Variants in ASS1 observed in about 807,000 individuals in gnomAD.
The protein encoded by ASS1 is argininosuccinate synthase.
In ASS1, 58 loss-of-function variants were observed where a neutral mutation model predicts 60.5. The observed-to-expected ratio is 0.96, with a 90% confidence interval of 0.78 to 1.19. The LOEUF is 1.19. Among genes scored for constraint, ASS1 ranks in the 50% most tolerant of loss-of-function variants. The pLI, the probability that ASS1 is intolerant of heterozygous loss-of-function variation, is 0.00. For synonymous variants in ASS1, 200 were observed against 206.9 expected (o/e 0.97, Z 0.29); for missense variants, 454 against 547.3 (o/e 0.83, Z 1.70).
At chr9:130,492,928 A>G (rs888184924) in intron 12 of ASS1, among the ~76,000 whole-genome samples, 2 of 152,192 alleles carry the variant, frequency 1.3e-5, no homozygotes, top group Non-Finnish European at 2.9e-5. Flanking sequence ...TGAGCAGAAG[A>G]ACCCTGTGGG....
At chr9:130,493,658 G>T (rs1000414152) in intron 12 of ASS1, among the ~76,000 whole-genome samples, 2 of 152,176 alleles carry the variant, frequency 1.3e-5, no homozygotes, top group Non-Finnish European at 2.9e-5. Flanking sequence ...GAGATCATGC[G>T]CCATCTGGCC....
chr9:130,468,989 C>G lies in ASS1; in HGVS notation c.496-1845C>G, dbSNP rs558998856. ...TTGGGAGGGTCATTGTCATTGGCCC[C>G]TGTTGCTTTCCTCCCCGCCCTTTAG... On this transcript the variant is annotated intron_variant, in intron 6 of 14. Transcript: ENST00000352480. Among the ~76,000 whole-genome samples the G allele has an allele frequency of 1.2e-4, 18 of 152,350 alleles. No individual in the cohort carries two copies. In the East Asian group the frequency reaches 3.1e-3, roughly 26 times the overall value.
rs1015925094 is a variant in ASS1, at chr9:130,477,355, C to T, written c.688+394C>T. Among the ~76,000 whole-genome samples the T allele has an allele frequency of 6.6e-6, 1 of 152,158 alleles. No individual in the cohort carries two copies. The highest frequency in any genetic ancestry group is 2.4e-5 in the African/African-American group (1 of 41,448). On this transcript the variant is annotated intron_variant, in intron 9 of 14. Transcript: ENST00000352480. The surrounding 1 kb of genome is among the most constrained non-coding windows in gnomAD (Gnocchi z 4.2). ...TGCAAGGGAGCGTCCAGCCCTGGGC[C>T]CTGACCCCGGAAGGTGCTCAGTAAA...
chr9:130,464,539 C>T (rs189557874), intron 5 of ASS1, among the ~76,000 whole-genome samples: 126 of 152,260 alleles, frequency 8.3e-4, no homozygotes, highest in Middle Eastern at 6.8e-3. Flanking sequence ...GGCTCTGAAA[C>T]GTGGTTGCTG....
chr9:130,445,302 C>A, intron 1 of ASS1: 1 of 890,608 alleles, frequency 1.1e-6, no homozygotes, highest in Non-Finnish European at 1.3e-6. Flanking sequence ...GCAGCCGGGT[C>A]CTTTCTGGAC....
chr9:130,471,873 C>T (rs1845874866), intron 8 of ASS1, among the ~76,000 whole-genome samples: 1 of 152,116 alleles, frequency 6.6e-6, no homozygotes, highest in Admixed American at 6.5e-5. Flanking sequence ...CACCAGCTCC[C>T]AGGCTGTGCT....
chr9:130,455,946 G>A lies in ASS1; in HGVS notation c.174+1573G>A, dbSNP rs999338560. Among the ~76,000 whole-genome samples the A allele has an allele frequency of 2.6e-5, 4 of 152,236 alleles. No individual in the cohort carries two copies. The South Asian group carries it at 6.2e-4, about 24-fold the overall frequency. ...GTCCCTCCTTGGTTCTGTGCCTCCC[G>A]AGTGCTGGAGAGCAGAGGGGTTGTC... On this transcript the variant is annotated intron_variant, in intron 3 of 14. Transcript: ENST00000352480.
intron 8 of ASS1, among the ~76,000 whole-genome samples, chr9:130,474,794 A>G (rs894715114): frequency 2.6e-5 from 4 of 152,250 alleles, no homozygotes; most frequent in Non-Finnish European, 4.4e-5. Flanking sequence ...GGTGGCGGAA[A>G]GAGTCCCTGT....
chr9:130,495,078 G>A, intron 13 of ASS1, 55 bp downstream of exon 13: 1 of 1,553,298 alleles, frequency 6.4e-7, no homozygotes, highest in Non-Finnish European at 8.7e-7. Flanking sequence ...CCTATCTTTT[G>A]ACTGGATCCT....
intron 1 of ASS1, among the ~76,000 whole-genome samples, chr9:130,448,462 G>A (rs1047766060): frequency 6.8e-6 from 1 of 147,618 alleles, no homozygotes; most frequent in African/African-American, 2.6e-5. Flanking sequence ...AGGTACACAC[G>A]CCAGGTCCAT....
chr9:130,453,584 C>T (rs1318591341), intron 2 of ASS1, among the ~76,000 whole-genome samples: 5 of 152,116 alleles, frequency 3.3e-5, no homozygotes, highest in Admixed American at 2.0e-4. Flanking sequence ...TGGAGCTGGG[C>T]GTATAGACCC....
At chr9:130,487,757 CTT>C (rs34850609) in intron 11 of ASS1, among the ~76,000 whole-genome samples, 12 of 148,232 alleles carry the variant, frequency 8.1e-5, no homozygotes, top group South Asian at 2.1e-4. Flanking sequence ...GATTTCCTTC[CTT>C]TTTTTTTTTT....
intron 3 of ASS1, among the ~76,000 whole-genome samples, chr9:130,457,527 C>T (rs1009328436): frequency 6.6e-6 from 1 of 152,138 alleles, no homozygotes; most frequent in African/African-American, 2.4e-5. Context: ...ATTGGGAACC[C>T]CTGGGGGTCT....
chr9:130,444,870 T>A (rs1588465360), upstream of ASS1: 1 of 149,882 alleles, frequency 6.7e-6, no homozygotes, highest in Non-Finnish European at 1.5e-5. The surrounding 1 kb of genome is among the most constrained non-coding windows in gnomAD (Gnocchi z 4.7). Flanking sequence ...GGGGGCGGGG[T>A]CTGTGGCGCG....
At chr9:130,482,729 C>T (rs779817082) in intron 11 of ASS1, among the ~76,000 whole-genome samples, 4 of 152,180 alleles carry the variant, frequency 2.6e-5, no homozygotes, top group African/African-American at 7.2e-5. Context: ...GCCTCATCCC[C>T]GTAGAAGGTC....
At chr9:130,454,976 C>T (rs566755127) in intron 3 of ASS1, among the ~76,000 whole-genome samples, 1 of 151,272 alleles carries the variant, frequency 6.6e-6, no homozygotes, top group East Asian at 2.0e-4. Flanking sequence ...ATCCATCCAT[C>T]CTCCGTCCAT....
At chr9:130,497,775 C>T (rs891623819) in intron 13 of ASS1, among the ~76,000 whole-genome samples, 1 of 152,118 alleles carries the variant, frequency 6.6e-6, no homozygotes, top group East Asian at 1.9e-4. Context: ...ATTCTGTGTC[C>T]TACGTTCTCC....
chr9:130,471,576 C>T (rs181412427), intron 8 of ASS1, 61 bp downstream of exon 8: 27 of 1,553,630 alleles, frequency 1.7e-5, no homozygotes, highest in Middle Eastern at 1.7e-4. Context: ...AGCTCCATGC[C>T]GATGCTGTCT....
At chr9:130,450,842 C>G (rs116961603) in intron 1 of ASS1, among the ~76,000 whole-genome samples, 46 of 152,350 alleles carry the variant, frequency 3.0e-4, no homozygotes, top group Non-Finnish European at 5.4e-4. Context: ...CCAGTAGTGT[C>G]TAATAAAGAC....
Sources: gnomAD v4.1 joint callset for allele counts (sites outside exome capture counted in the v4.1 genomes callset) on GRCh38, gnomAD v4.1.1 for gene constraint, Gnocchi (gnomAD v3.1) non-coding constraint, MANE v1.5 for transcripts, NCBI Gene and HGNC (gene_info 2026-07-23, HGNC 2026-07-21) for gene names.